WDFY3: variants seen among roughly 807,000 people sequenced by gnomAD.
WDFY3 encodes the protein WD repeat and FYVE domain containing 3.
A neutral mutation model predicts 409.6 loss-of-function variants in WDFY3; 66 were observed. The observed-to-expected ratio is 0.16, with a 90% confidence interval of 0.13 to 0.20. WDFY3 has a LOEUF of 0.20. Among genes scored for constraint, WDFY3 ranks in the 10% least tolerant of loss-of-function variants. The pLI is 1.00. For missense variants in WDFY3, 3,031 were observed against 4,298.1 expected (o/e 0.71, Z 8.24); for synonymous variants, 1,521 against 1,537.1 (o/e 0.99, Z 0.25).
chr4:84,782,974 A>G lies in WDFY3; in HGVS notation c.4163T>C (p.Ile1388Thr), dbSNP rs772532285. The change falls in exon 25 of 68, where the codon ATT (isoleucine) becomes ACT (threonine). Residue 1388 changes from isoleucine (I) to threonine (T), a missense_variant. By Grantham distance (89) the Ile-to-Thr change is moderately conservative. Transcript: ENST00000295888. The stretch of plus-strand genomic sequence containing the variant: ...ATAAGTCCACTCACCCAAGTATCCA[A>G]TCAGAGCGGCCCCAATTGTCCGTGC... ...GSARTIGAAL[I>T]GYLGVRTFVP... 3 of 1,613,764 alleles carry G rather than the reference A, an allele frequency of 1.9e-6. No individual in the cohort carries two copies. In the South Asian group the frequency reaches 3.3e-5, roughly 18 times the overall value.
chr4:84,912,932 C>A (rs1767988408), intron 2 of WDFY3, among the ~76,000 whole-genome samples: 1 of 152,220 alleles, frequency 6.6e-6, no homozygotes, highest in African/African-American at 2.4e-5. Context: ...AAGGTAAACA[C>A]CAAATGCCAG....
At chr4:84,932,092 G>A (rs148066155) in intron 2 of WDFY3, among the ~76,000 whole-genome samples, 178 bp downstream of exon 2, 1 of 152,114 alleles carries the variant, frequency 6.6e-6, no homozygotes, top group African/African-American at 2.4e-5. Flanking sequence ...AGAAAACTAA[G>A]AGCCAACAAG....
intron 13 of WDFY3, among the ~76,000 whole-genome samples, chr4:84,812,724 G>A (rs1005608023): frequency 3.3e-5 from 5 of 152,120 alleles, no homozygotes; most frequent in Non-Finnish European, 7.4e-5. Context: ...AAAAACTGCT[G>A]CTTACGAATC....
Position 84,688,250 on chromosome 4 carries a change from T to C in WDFY3, c.9379A>G (p.Thr3127Ala), listed in dbSNP as rs781765868. The C allele has an allele frequency of 3.1e-6, 5 of 1,613,972 alleles. No individual in the cohort carries two copies. Among genetic ancestry groups the C allele is most frequent in the Non-Finnish European group, 4.2e-6 (5 of 1,179,928 alleles). Residue 3127 changes from threonine to alanine, a missense_variant, in exon 62 of 68, where the codon ACT becomes GCT. This residue lies in a region of WDFY3 where 152 missense variants were observed against 193.5 expected (regional missense o/e 0.79). Transcript: ENST00000295888. The stretch of plus-strand genomic sequence containing the variant: ...GCTGTGGCGCAGGTGACGGTATCAG[T>C]GTGGCCCAGTAAGGCCTACGAATGA... ...VTLKQALLGH[T>A]DTVTCATASL... is the part of the protein sequence containing the mutation.
At chr4:84,784,081 C>G (rs753470205) in intron 24 of WDFY3, among the ~76,000 whole-genome samples, 2 of 152,184 alleles carry the variant, frequency 1.3e-5, no homozygotes, top group African/African-American at 2.4e-5. Flanking sequence ...GTCATTTCCA[C>G]AGTGAATCCT....
intron 47 of WDFY3, among the ~76,000 whole-genome samples, chr4:84,719,888 A>C (rs560655110): frequency 6.6e-6 from 1 of 152,208 alleles, no homozygotes; most frequent in South Asian, 2.1e-4. Context: ...TTGTCATTCA[A>C]TATTAATTAG....
At chr4:84,739,168 A>T in intron 39 of WDFY3, 49 bp from the exon 40 acceptor site, 1 of 1,546,980 alleles carries the variant, frequency 6.5e-7, no homozygotes, top group African/African-American at 1.4e-5. Flanking sequence ...TGATTAGCTG[A>T]AGACTACAGT....
chr4:84,908,016 A>T (rs911553367), intron 2 of WDFY3, among the ~76,000 whole-genome samples: 1 of 152,184 alleles, frequency 6.6e-6, no homozygotes, highest in Admixed American at 6.5e-5. Flanking sequence ...AGGAAAGTGC[A>T]GAGGATGACA....
chr4:84,765,514 T>C (rs1743478707), intron 32 of WDFY3, among the ~76,000 whole-genome samples: 1 of 152,126 alleles, frequency 6.6e-6, no homozygotes, highest in African/African-American at 2.4e-5. Flanking sequence ...ATTAATTTAG[T>C]TCTACTACTG....
At position 84,756,586 on chromosome 4, in the gene WDFY3, CAAATAAAATAAAATAAAATA is replaced by C. The variant is rs143555953; in HGVS notation, c.5424+320_5424+339del. Among the ~76,000 whole-genome samples the C allele has an allele frequency of 2.5e-3, 319 of 129,026 alleles. 2 individuals are homozygous for C. Among genetic ancestry groups the C allele is most frequent in the African/African-American group, 8.3e-3 (293 of 35,362 alleles). The allele number at this position is 129,026 out of a possible 152,430, so 84.6% of individuals were successfully genotyped here. ...GGTGACAGAGTAAGACTCTGTCTCA[CAAATAAAATAAAATAAAATA>C]AAATAAAATAAAATAAAATAAAATA... On this transcript the variant is annotated intron_variant, in intron 33 of 67. Transcript: ENST00000295888.
chr4:84,821,601 T>C (rs1754073152), intron 10 of WDFY3, 50 bp from the exon 11 acceptor site: 1 of 1,464,712 alleles, frequency 6.8e-7, no homozygotes, highest in Non-Finnish European at 9.3e-7. Context: ...GATATTTTAA[T>C]GATGGCAAAC....
chr4:84,682,315 A>G, intron 64 of WDFY3, 59 bp downstream of exon 64: 1 of 1,515,510 alleles, frequency 6.6e-7, no homozygotes, highest in South Asian at 1.2e-5. Flanking sequence ...AAGCTTATCC[A>G]CAGTGACTTA....
Position 84,742,062 on chromosome 4 carries a change from CTT to C in WDFY3, c.6074-143_6074-142del, listed in dbSNP as rs1269511907. 4 of 682,556 alleles carry C rather than the reference CTT, an allele frequency of 5.9e-6. No individual in the cohort carries two copies. In the Admixed American group the frequency reaches 1.1e-4, roughly 19 times the overall value. The allele number at this position is 682,556 out of a possible 1,614,324, so 42.3% of individuals were successfully genotyped here. ...TATGACTACTAGCTTTTATGCACTA[CTT>C]GAAGAAAATGACATTCAATGGCCAG... On this transcript the variant is annotated intron_variant, in intron 37 of 67. Transcript: ENST00000295888.
intron 7 of WDFY3, among the ~76,000 whole-genome samples, chr4:84,833,575 G>T (rs1451518573): frequency 1.3e-5 from 2 of 152,022 alleles, no homozygotes; most frequent in African/African-American, 4.8e-5. Flanking sequence ...GATCACCTGA[G>T]CCCGGGAGGT....
Position 84,860,473 on chromosome 4 carries a change from C to T in WDFY3, c.119G>A (p.Arg40Gln), listed in dbSNP as rs1486418217. 3 of 1,614,010 alleles carry T rather than the reference C, an allele frequency of 1.9e-6. No individual in the cohort carries two copies. The highest frequency in any genetic ancestry group is 1.7e-6 in the Non-Finnish European group (2 of 1,179,968). Residue 40 changes from arginine (R) to glutamine (Q), a missense_variant, in exon 4 of 68, where the codon CGG becomes CAG. By Grantham distance (43) the Arg-to-Gln change is conservative (BLOSUM62 1). This residue lies in a region of WDFY3 where 1,322 missense variants were observed against 1,697.9 expected (regional missense o/e 0.78). Transcript: ENST00000295888. ...TTCTTGTTCCTTCTGAGTCATGTGC[C>T]GGGGAGGATGGCACAACTCCGTGAA... ...RLFTELCHPP[R>Q]HMTQKEQEEK...
chr4:84,870,483 G>A (rs1761994346), intron 3 of WDFY3, among the ~76,000 whole-genome samples: 1 of 152,134 alleles, frequency 6.6e-6, no homozygotes, highest in South Asian at 2.1e-4. Context: ...ATGAGAGGGA[G>A]AAATGCCGGG....
At position 84,872,759 on chromosome 4, in the gene WDFY3, C is replaced by T. The variant is rs545833045; in HGVS notation, c.-31-12137G>A. ...GAATGTAACTTTAAACATAAATAAT[C>T]AGATAGGTTAAAGGTAAAGAGATGG... On this transcript the variant is annotated intron_variant, in intron 3 of 67. Coordinates refer to ENST00000295888, the MANE Select transcript of WDFY3 (RefSeq NM_014991.6). Among the ~76,000 whole-genome samples, 118 of 152,138 alleles carry T rather than the reference C, an allele frequency of 7.8e-4. 1 individual carries two copies. The highest frequency in any genetic ancestry group is 5.4e-3 in the Admixed American group (83 of 15,282).
chr4:84,840,363 C>G (rs2150021155), intron 6 of WDFY3, among the ~76,000 whole-genome samples: 1 of 152,240 alleles, frequency 6.6e-6, no homozygotes, highest in Middle Eastern at 3.4e-3. Flanking sequence ...TTCCTTATTT[C>G]CCATTAAAAT....
At chr4:84,721,292 T>G in intron 47 of WDFY3, 117 bp downstream of exon 47, 1 of 1,381,816 alleles carries the variant, frequency 7.2e-7, no homozygotes, top group Admixed American at 2.1e-5. Context: ...CTGCTTAAGC[T>G]GTATTTTATT....
Sources: allele counts gnomAD v4.1 joint callset (sites outside exome capture counted in the v4.1 genomes callset), GRCh38; gene constraint gnomAD v4.1.1; regional missense constraint gnomAD v4.1.1; transcripts MANE v1.5; gene names NCBI Gene and HGNC (gene_info 2026-07-23, HGNC 2026-07-21).